FANCM: variants seen among roughly 807,000 people sequenced by gnomAD.
The protein encoded by FANCM is FA complementation group M.
In FANCM, 140 loss-of-function variants were observed where a neutral mutation model predicts 199.5. The observed-to-expected ratio is 0.70, with a 90% CI of 0.61 to 0.81. The LOEUF (loss-of-function observed/expected upper bound fraction) is 0.81, where lower values mean the gene tolerates loss of function less well. Ranked by LOEUF, FANCM falls within the 30% of genes least tolerant of loss-of-function variation. The pLI is 0.00. For missense variants in FANCM, 2,410 were observed against 2,421.4 expected (o/e 1.00, Z 0.10); for synonymous variants, 840 against 836.8 (o/e 1.00, Z -0.07).
Position 45,189,189 on chromosome 14 carries a change from A to G in FANCM, c.5167A>G (p.Arg1723Gly). 1 of 1,614,188 alleles carries G rather than the reference A, an allele frequency of 6.2e-7. No homozygotes were observed. Among genetic ancestry groups the G allele is most frequent in the Non-Finnish European group, 8.5e-7 (1 of 1,180,028 alleles). ...SAQSKVRSTP[R>G]VNPLAKQSKQ... is the part of the protein sequence containing the mutation. ...GCAGTCCAAGGTGCGTTCTACTCCA[A>G]GAGTTAATCCATTAGCAAAGCAGAG... is the stretch of plus-strand genomic sequence containing the variant. Residue 1723 changes from arginine to glycine, a missense_variant, in exon 20 of 23, where the codon AGA becomes GGA. Coordinates refer to ENST00000267430, the MANE Select transcript of FANCM (RefSeq NM_020937.4).
At chr14:45,152,763 C>A (rs541872719) in intron 5 of FANCM, among the ~76,000 whole-genome samples, 1 of 152,046 alleles carries the variant, frequency 6.6e-6, no homozygotes, top group African/African-American at 2.4e-5. Flanking sequence ...ACCACGAAAC[C>A]GGATATGATA....
intron 10 of FANCM, among the ~76,000 whole-genome samples, chr14:45,165,310 T>A (rs1887890897): frequency 6.6e-6 from 1 of 152,138 alleles, no homozygotes; most frequent in South Asian, 2.1e-4. Context: ...GTAATCCCAG[T>A]ACCTTTAGGA....
chr14:45,149,145 A>G (rs1489812987), intron 4 of FANCM, 150 bp downstream of exon 4: 1 of 710,112 alleles, frequency 1.4e-6, no homozygotes, highest in African/African-American at 1.8e-5. Flanking sequence ...AATTTTTGGA[A>G]TGAGCACTGT....
Position 45,145,999 on chromosome 14 carries a change from C to T in FANCM, c.760-2838C>T, listed in dbSNP as rs1271632959. Among the ~76,000 whole-genome samples the T allele has an allele frequency of 8.4e-4, 121 of 144,770 alleles. 2 individuals carry two copies. The highest frequency in any genetic ancestry group is 8.2e-3 in the Admixed American group (119 of 14,448). 95.0% of individuals were successfully genotyped at this position (144,770 alleles called of 152,430 possible). A position where few individuals can be genotyped will look rare whatever the true frequency, so the allele number is the denominator to read the frequency against. On this transcript the variant is annotated intron_variant, in intron 3 of 22. Coordinates refer to ENST00000267430, the MANE Select transcript of FANCM (RefSeq NM_020937.4). ...GCGTGAACCCGGGAGGCGGAGCTTG[C>T]AGTGAGCCGAGATCCCGCCACTGCA...
intron 3 of FANCM, among the ~76,000 whole-genome samples, chr14:45,147,364 C>T (rs1167464959): frequency 4.0e-5 from 6 of 150,934 alleles, no homozygotes; most frequent in African/African-American, 1.5e-4. Flanking sequence ...GGCTGGAATA[C>T]AGTCGCAACT....
Position 45,175,868 on chromosome 14 carries a change from G to A in FANCM, c.3114G>A (p.Leu1038=), listed in dbSNP as rs766819184. Residue 1038 remains leucine (L), a synonymous_variant, in exon 14 of 23, where the codon CTG becomes CTA. Coordinates refer to ENST00000267430, the MANE Select transcript of FANCM (RefSeq NM_020937.4). ...HLRSDKCTCL[L]SHSAVNSQQN... is the part of the protein sequence containing the mutation. ...GAAGTGATAAATGCACCTGTTTGCT[G>A]TCACATTCAGCTGTGAATTCTCAAC... 6.2e-7 allele frequency: 1 copy of A among 1,613,860 alleles called. No homozygotes were observed. Among genetic ancestry groups the A allele is most frequent in the East Asian group, 2.2e-5 (1 of 44,868 alleles).
chr14:45,186,689 A>G lies in FANCM; in HGVS notation c.4673-1092A>G, dbSNP rs193282999. Among the ~76,000 whole-genome samples the G allele has an allele frequency of 2.2e-4, 33 of 152,360 alleles. No individual in the cohort carries two copies. In the East Asian group the frequency reaches 3.9e-3, roughly 18 times the overall value. On this transcript the variant is annotated intron_variant, in intron 18 of 22. Transcript: ENST00000267430. ...AACAGAAGTGTTTTGCAGGTTTACA[A>G]TATAATCCAGTGGAAGAATGTTGAT...
chr14:45,148,514 G>A (rs184406539), intron 3 of FANCM, among the ~76,000 whole-genome samples: 29 of 152,090 alleles, frequency 1.9e-4, no homozygotes, highest in Admixed American at 7.9e-4. Context: ...TGAAATTTTT[G>A]TCTGAGTCTT....
chr14:45,176,215 G>A lies in FANCM; in HGVS notation c.3461G>A (p.Ser1154Asn), dbSNP rs2139248649. 6.2e-7 allele frequency: 1 copy of A among 1,613,700 alleles called. No individual in the cohort carries two copies. The highest frequency in any genetic ancestry group is 8.5e-7 in the Non-Finnish European group (1 of 1,179,840). ...FDDVSLSPLNSKSESLPVSDK... is the reference protein window; with the variant it reads ...FDDVSLSPLNNKSESLPVSDK... ...GATGTGAGTCTTTCACCCTTGAACA[G>A]TAAAAGCGAATCTTTACCTGTGTCA... is the stretch of plus-strand genomic sequence containing the variant. Residue 1154 changes from serine (S) to asparagine (N), a missense_variant, in exon 14 of 23, where the codon AGT becomes AAT. Transcript: ENST00000267430.
intron 9 of FANCM, 67 bp downstream of exon 9, chr14:45,159,347 G>A: frequency 8.0e-7 from 1 of 1,253,228 alleles, no homozygotes; most frequent in Non-Finnish European, 1.1e-6. Flanking sequence ...TTCTTTTTTT[G>A]TTAGTTTTAA....
chr14:45,148,317 T>C (rs1020810042), intron 3 of FANCM, among the ~76,000 whole-genome samples: 4 of 152,022 alleles, frequency 2.6e-5, no homozygotes, highest in African/African-American at 9.7e-5. Flanking sequence ...GTCAGTACCA[T>C]AGTCTCCTGC....
rs2139234709 is a variant in FANCM at position 45,173,102 on chromosome 14, G to C, written c.2208G>C (p.Trp736Cys). The change falls in exon 13 of 23, where the codon TGG (tryptophan) becomes TGC (cysteine). Residue 736 changes from tryptophan (W) to cysteine (C), a missense_variant. By Grantham distance (215) the Trp-to-Cys change is radical (BLOSUM62 -2). Transcript: ENST00000267430. ...TTCATCAACTCTCTCTCTCTGAATG[G>C]AGACTGTGGCAAGATCATCCTTTGC... Reference protein sequence around the residue: ...TGIHQLSLSEWRLWQDHPLPT... With the variant: ...TGIHQLSLSECRLWQDHPLPT... The C allele has an allele frequency of 1.9e-6, 3 of 1,612,082 alleles. No homozygotes were observed. The highest frequency in any genetic ancestry group is 1.7e-6 in the Non-Finnish European group (2 of 1,178,262).
In FANCM at chr14:45,150,036, A is replaced by C. The variant is rs77025737; in HGVS notation, c.918+1041A>C. Among the ~76,000 whole-genome samples, 649 of 152,344 alleles carry C rather than the reference A, an allele frequency of 4.3e-3. 5 individuals are homozygous for C. The highest frequency in any genetic ancestry group is 0.015 in the African/African-American group (608 of 41,572). The stretch of plus-strand genomic sequence containing the variant: ...TTCACTGGGAGAAATTTGTGGTAAC[A>C]CATTGTTTTTCTGTAGTTCATAATT... On this transcript the variant is annotated intron_variant, in intron 4 of 22. Coordinates refer to ENST00000267430, the MANE Select transcript of FANCM (RefSeq NM_020937.4).
In FANCM at chr14:45,167,054, T is replaced by C; in HGVS notation, c.1893T>C (p.Asp631=). The change falls in exon 11 of 23, where the codon GAT becomes GAC. Residue 631 remains aspartate (D), a synonymous_variant. Coordinates refer to ENST00000267430, the MANE Select transcript of FANCM (RefSeq NM_020937.4). ...AAAGAAGTCCACGAATGGTTCCTGA[T>C]GGAATCAACCCAAAATTACACAAAA... is the stretch of plus-strand genomic sequence containing the variant. ...FYQRSPRMVP[D]GINPKLHKMF... The C allele has an allele frequency of 6.2e-7, 1 of 1,612,964 alleles. No homozygotes were observed. The highest frequency in any genetic ancestry group is 8.5e-7 in the Non-Finnish European group (1 of 1,178,918).
At chr14:45,198,556 C>CACG in intron 21 of FANCM, 88 bp from the exon 22 acceptor site, 1 of 882,950 alleles carries the variant, frequency 1.1e-6, no homozygotes, top group South Asian at 1.9e-5. Flanking sequence ...TGGTGTAGAT[C>CACG]TTGGGATTTT....
At chr14:45,197,661 C>T (rs1244909653) in intron 21 of FANCM, among the ~76,000 whole-genome samples, 1 of 151,424 alleles carries the variant, frequency 6.6e-6, no homozygotes, top group East Asian at 1.9e-4. Context: ...GATGGTGTTT[C>T]ACCATGTTGG....
At chr14:45,166,144 A>C (rs960224594) in intron 10 of FANCM, among the ~76,000 whole-genome samples, 1 of 151,352 alleles carries the variant, frequency 6.6e-6, no homozygotes, top group African/African-American at 2.4e-5. Flanking sequence ...AAAAAAAAAA[A>C]CAAAAAAAAC....
intron 1 of FANCM, 123 bp from the exon 2 acceptor site, chr14:45,136,946 T>C (rs1186785554): frequency 6.3e-6 from 5 of 791,146 alleles, no homozygotes; most frequent in South Asian, 1.5e-5. Flanking sequence ...TTCCGATGAA[T>C]TGTCAAATTG....
chr14:45,168,724 T>C (rs1040527676), intron 11 of FANCM, among the ~76,000 whole-genome samples: 2 of 147,864 alleles, frequency 1.4e-5, no homozygotes, highest in African/African-American at 5.0e-5. Context: ...CTAGTGTATT[T>C]ACTATGTATT....
Sources: allele counts gnomAD v4.1 joint callset (sites outside exome capture counted in the v4.1 genomes callset), GRCh38; gene constraint gnomAD v4.1.1; transcripts MANE v1.5; gene names NCBI Gene and HGNC (gene_info 2026-07-23, HGNC 2026-07-21).